The following FOXP1 variants were observed in gnomAD, a reference collection of about 807,000 sequenced individuals.
FOXP1 encodes forkhead box protein P1.
FOXP1 carries 15 observed loss-of-function variants against 98.2 expected under a neutral mutation model. The observed-to-expected ratio is 0.15, with a 90% CI of 0.10 to 0.24. The LOEUF is 0.24. FOXP1 is among the 10% of genes least tolerant of loss of function. The probability of loss-of-function intolerance (pLI) is 1.00; values close to 1 mark genes in which losing one functional copy is unlikely to be tolerated. For missense variants in FOXP1, 633 were observed against 848.5 expected (o/e 0.75, Z 3.15); for synonymous variants, 371 against 314.5 (o/e 1.18, Z -1.90).
chr3:71,213,703 C>T (rs566149132), intron 5 of FOXP1, among the ~76,000 whole-genome samples: 113 of 152,254 alleles, frequency 7.4e-4, no homozygotes, highest in Middle Eastern at 6.8e-3. Flanking sequence ...GTAGTCCCAG[C>T]TACTCGGGAG....
chr3:71,514,274 T>C (rs2042404111), intron 2 of FOXP1, among the ~76,000 whole-genome samples: 1 of 152,210 alleles, frequency 6.6e-6, no homozygotes, highest in African/African-American at 2.4e-5. Context: ...TCTAACTCAT[T>C]CACCTCCTTC....
intron 17 of FOXP1, among the ~76,000 whole-genome samples, chr3:70,973,659 G>T (rs2036829997): frequency 6.6e-6 from 1 of 152,110 alleles, no homozygotes; most frequent in African/African-American, 2.4e-5. Flanking sequence ...TGGACATGAA[G>T]ACATTCTAAA....
intron 6 of FOXP1, among the ~76,000 whole-genome samples, chr3:71,114,428 T>C (rs1355464461): frequency 1.3e-5 from 2 of 152,228 alleles, no homozygotes; most frequent in Non-Finnish European, 2.9e-5. Context: ...ACACGCTCAC[T>C]GAACTGTGCT....
intron 12 of FOXP1, among the ~76,000 whole-genome samples, chr3:71,015,139 T>A (rs962935255): frequency 2.1e-4 from 30 of 143,406 alleles, no homozygotes; most frequent in Admixed American, 3.5e-4. Flanking sequence ...AAGTATAATT[T>A]AAAAAAAAAA....
chr3:71,429,220 T>A (rs1047135225), intron 3 of FOXP1, among the ~76,000 whole-genome samples: 1 of 152,002 alleles, frequency 6.6e-6, no homozygotes, highest in Admixed American at 6.5e-5. Context: ...GGTGACATCA[T>A]TCCCAAGGGG....
chr3:71,478,526 A>G (rs1408111975), intron 3 of FOXP1, among the ~76,000 whole-genome samples: 1 of 152,242 alleles, frequency 6.6e-6, no homozygotes, highest in East Asian at 1.9e-4. Flanking sequence ...GAGAGTGGCA[A>G]GGAGGTTGAC....
intron 3 of FOXP1, among the ~76,000 whole-genome samples, chr3:71,409,249 C>T (rs7626396): frequency 0.65 from 99,089 of 151,956 alleles, 33,584 homozygotes; most frequent in Non-Finnish European, 0.74. Flanking sequence ...TGATTTATTT[C>T]CTCCATACCA....
chr3:71,406,757 T>G (rs1577343277), intron 3 of FOXP1, among the ~76,000 whole-genome samples: 2 of 152,278 alleles, frequency 1.3e-5, no homozygotes, highest in South Asian at 4.1e-4. Context: ...TTATTCTGCC[T>G]TCCACACCTG....
At chr3:71,456,335 G>C (rs527426582) in intron 3 of FOXP1, among the ~76,000 whole-genome samples, 1 of 152,152 alleles carries the variant, frequency 6.6e-6, no homozygotes, top group African/African-American at 2.4e-5. Flanking sequence ...AAGGGTTTCT[G>C]TTACTTTCAA....
chr3:71,580,791 G>T, intron 2 of FOXP1: 1 of 985,374 alleles, frequency 1.0e-6, no homozygotes, highest in Non-Finnish European at 1.2e-6. Context: ...TATTGTCCAA[G>T]CCCTAAACCC....
At chr3:71,229,057 A>T (rs1148747) in intron 5 of FOXP1, among the ~76,000 whole-genome samples, 1 of 150,764 alleles carries the variant, frequency 6.6e-6, no homozygotes, top group African/African-American at 2.4e-5. Flanking sequence ...TGGCCTTTTA[A>T]GGGGAAAGAG....
chr3:71,432,868 T>TAAAAAAAAAAAAAAAAAAAACTA (rs1047638258), intron 3 of FOXP1, among the ~76,000 whole-genome samples: 1 of 139,040 alleles, frequency 7.2e-6, no homozygotes, highest in Non-Finnish European at 1.5e-5. Flanking sequence ...AAAAAAAAAT[T>TAAAAAAAAAAAAAAAAAAAACTA]AAAAAAAAAA....
At chr3:71,323,004 T>G (rs904911844) in intron 4 of FOXP1, among the ~76,000 whole-genome samples, 1 of 150,890 alleles carries the variant, frequency 6.6e-6, no homozygotes, top group African/African-American at 2.4e-5. Context: ...GGAGTCTTGC[T>G]CTGTTACCCT....
At chr3:71,194,282 G>C (rs980306485) in intron 6 of FOXP1, among the ~76,000 whole-genome samples, 2 of 143,684 alleles carry the variant, frequency 1.4e-5, no homozygotes, top group African/African-American at 5.2e-5. Context: ...AAAAAAGAAA[G>C]AAAGAAACCC....
At position 71,053,516 on chromosome 3, in the gene FOXP1, C is replaced by G. The variant is rs530672269; in HGVS notation, c.420+120G>C. 345 of 1,241,072 alleles carry G rather than the reference C, an allele frequency of 2.8e-4. 4 individuals carry two copies. In the South Asian group the frequency reaches 3.3e-3, roughly 12 times the overall value. The allele number at this position is 1,241,072 out of a possible 1,614,324, so 76.9% of individuals were successfully genotyped here. A position where few individuals can be genotyped will look rare whatever the true frequency, so the allele number is the denominator to read the frequency against. ...AGTGGTCTGTGTCCTGCCCCACCCA[C>G]GCTGCTTTACTCTTCACTGAGCAAA... On this transcript the variant is annotated intron_variant, in intron 8 of 20. Transcript: ENST00000649528.
intron 12 of FOXP1, among the ~76,000 whole-genome samples, chr3:71,015,064 C>G (rs1158928481): frequency 6.6e-6 from 1 of 151,674 alleles, no homozygotes; most frequent in Non-Finnish European, 1.5e-5. Context: ...GTGCAGCACA[C>G]CAACATGGCA....
intron 6 of FOXP1, among the ~76,000 whole-genome samples, chr3:71,156,416 C>T (rs1406645609): frequency 6.6e-6 from 1 of 152,152 alleles, no homozygotes; most frequent in African/African-American, 2.4e-5. Context: ...AACTACAACC[C>T]AGCAGCATTT....
chr3:71,474,240 TA>T (rs1213630194), intron 3 of FOXP1, among the ~76,000 whole-genome samples: 2 of 152,110 alleles, frequency 1.3e-5, no homozygotes, highest in African/African-American at 4.8e-5. Context: ...GTAAAAAACC[TA>T]AACCACATTT....
chr3:71,382,026 C>A (rs1432151460), intron 3 of FOXP1, among the ~76,000 whole-genome samples: 1 of 152,168 alleles, frequency 6.6e-6, no homozygotes, highest in Non-Finnish European at 1.5e-5. Context: ...AAATGCAATA[C>A]TTCAGAAGGC....
Sources: allele counts gnomAD v4.1 joint callset (sites outside exome capture counted in the v4.1 genomes callset), GRCh38; gene constraint gnomAD v4.1.1; transcripts MANE v1.5; gene names NCBI Gene and HGNC (gene_info 2026-07-23, HGNC 2026-07-21).